Variants in ALG9 observed in about 807,000 individuals in gnomAD.
ALG9 encodes alpha-1,2-mannosyltransferase ALG9.
A neutral mutation model predicts 81.8 loss-of-function variants in ALG9; 55 were observed. The ratio of observed to expected loss-of-function variants is 0.67; its 90% CI spans 0.54 to 0.84. The LOEUF is 0.84. Among genes scored for constraint, ALG9 ranks in the 40% least tolerant of loss-of-function variants. The probability of loss-of-function intolerance (pLI) is 0.00; values close to 1 mark genes in which losing one functional copy is unlikely to be tolerated. For missense variants in ALG9, 629 were observed against 745.0 expected (o/e 0.84, Z 1.81); for synonymous variants, 278 against 274.3 (o/e 1.01, Z -0.13).
chr11:111,804,209 A>T (rs560148659), intron 14 of ALG9, among the ~76,000 whole-genome samples: 2 of 152,182 alleles, frequency 1.3e-5, no homozygotes, highest in East Asian at 3.9e-4. Flanking sequence ...ACAGGAGAAA[A>T]TCTAAATGAA....
intron 8 of ALG9, among the ~76,000 whole-genome samples, chr11:111,850,178 T>G (rs911043656): frequency 6.6e-6 from 1 of 152,214 alleles, no homozygotes; most frequent in Admixed American, 6.5e-5. Flanking sequence ...TATTATTTGG[T>G]ATCACGAAAA....
rs1555141233 is a variant in ALG9, at chr11:111,853,805, C to A, written c.702-69G>T. On this transcript the variant is annotated intron_variant, in intron 6 of 14. Coordinates refer to ENST00000616540, the MANE Select transcript of ALG9 (RefSeq NM_024740.2). ...CAGAGACAAATCAGATTCACACATA[C>A]CTCATGCTGAACTGAGAATAAAATG... 3 of 1,327,706 alleles carry A rather than the reference C, an allele frequency of 2.3e-6. No homozygotes were observed. The East Asian group carries it at 6.9e-5, about 30-fold the overall frequency. The allele number at this position is 1,327,706 out of a possible 1,614,324, so 82.2% of individuals were successfully genotyped here.
At chr11:111,861,886 G>A (rs1020028244) in intron 4 of ALG9, among the ~76,000 whole-genome samples, 2 of 152,106 alleles carry the variant, frequency 1.3e-5, no homozygotes, top group Admixed American at 1.3e-4. Context: ...TTTCTCTCAG[G>A]ACTTTGAAGA....
chr11:111,850,848 T>C (rs556864683), intron 8 of ALG9, among the ~76,000 whole-genome samples: 7 of 152,238 alleles, frequency 4.6e-5, no homozygotes, highest in African/African-American at 1.7e-4. Flanking sequence ...CTGTTCATGG[T>C]TGGTATGCCA....
chr11:111,783,656 A>T lies in ALG9; in HGVS notation c.*2741T>A, dbSNP rs1555059002. 1 of 152,146 alleles carries T rather than the reference A, an allele frequency of 6.6e-6. No individual in the cohort carries two copies. The highest frequency in any genetic ancestry group is 6.5e-5 in the Admixed American group (1 of 15,276). The allele number at this position is 152,146 out of a possible 1,614,324, so 9.4% of individuals were successfully genotyped here. A position where few individuals can be genotyped will look rare whatever the true frequency, so the allele number is the denominator to read the frequency against. On this transcript the variant is annotated 3_prime_UTR_variant, in exon 15 of 15. Coordinates refer to ENST00000616540, the MANE Select transcript of ALG9 (RefSeq NM_024740.2). ...TCCCAGGCAAAGCTATCCTTCCTAT[A>T]CTAAAAAGTGATGGAGATTTTTTAA...
intron 14 of ALG9, among the ~76,000 whole-genome samples, chr11:111,793,496 T>C (rs186723446): frequency 0.01 from 1,563 of 152,060 alleles, 19 homozygotes; most frequent in African/African-American, 0.035. Context: ...GCATGGTGGC[T>C]CACGCCTGTA....
In ALG9 at chr11:111,860,616, CA is replaced by C. The variant is rs1959748337; in HGVS notation, c.495del (p.Phe165LeufsTer5). 6.2e-7 allele frequency: 1 copy of C among 1,613,710 alleles called. No homozygotes were observed. Among genetic ancestry groups the C allele is most frequent in the Non-Finnish European group, 8.5e-7 (1 of 1,179,874 alleles). On this transcript the variant is annotated frameshift_variant, in exon 5 of 15. Transcript: ENST00000616540. LOFTEE classifies it high-confidence loss of function. ...LYFYKAVCKKFGLHVSRMMLA... is the reference protein window; with the variant it reads ...LYFYKAVCKKXGLHVSRMMLA... ...AGCATCATTCGACTCACGTGCAACCCAAACTTCTTGCACACAGCCCTAGGAA... is the reference window on the plus strand; with the variant it reads ...AGCATCATTCGACTCACGTGCAACCCAACTTCTTGCACACAGCCCTAGGAA...
intron 14 of ALG9, chr11:111,805,070 A>G (rs1949718873): frequency 6.3e-6 from 2 of 319,960 alleles, no homozygotes; most frequent in Non-Finnish European, 6.2e-6. Context: ...CTCAAAATTC[A>G]TATGTTGAAG....
At chr11:111,834,121 G>T (rs1329511152) in intron 13 of ALG9, among the ~76,000 whole-genome samples, 1 of 152,210 alleles carries the variant, frequency 6.6e-6, no homozygotes, top group African/African-American at 2.4e-5. Flanking sequence ...TATGATATCA[G>T]AAATATTTAA....
rs1946295059 is a variant in ALG9 at position 111,784,736 on chromosome 11, G to T, written c.*1661C>A. ...CTGTCTCAAAAAAAAAAAGAAAAAT[G>T]AAAGATGGAACTTCTGAAAAATAGA... On this transcript the variant is annotated 3_prime_UTR_variant, in exon 15 of 15. Transcript: ENST00000616540. The T allele has an allele frequency of 6.6e-6, 1 of 151,922 alleles. No homozygotes were observed. The allele number at this position is 151,922 out of a possible 1,614,324, so 9.4% of individuals were successfully genotyped here.
At chr11:111,853,588 T>C in intron 7 of ALG9, 61 bp downstream of exon 7, 3 of 1,580,198 alleles carry the variant, frequency 1.9e-6, no homozygotes, top group East Asian at 4.5e-5. Flanking sequence ...TGTTCCTTTT[T>C]TCACATCAAA....
At chr11:111,826,307 G>A (rs1592101587) in intron 13 of ALG9, among the ~76,000 whole-genome samples, 1 of 150,942 alleles carries the variant, frequency 6.6e-6, no homozygotes, top group African/African-American at 2.4e-5. Context: ...GATTGTTTGA[G>A]TCAGGGAGGT....
intron 14 of ALG9, among the ~76,000 whole-genome samples, chr11:111,795,498 C>CAATTGTGTAA (rs1948131049): frequency 6.6e-6 from 1 of 152,128 alleles, no homozygotes. Context: ...GCAATATACC[C>CAATTGTGTAA]CGCAGGTGGC....
intron 13 of ALG9, among the ~76,000 whole-genome samples, chr11:111,830,561 T>G (rs2136714403): frequency 6.6e-6 from 1 of 152,324 alleles, no homozygotes; most frequent in East Asian, 1.9e-4. Flanking sequence ...ATTTTGAACA[T>G]TCTCCAATTA....
At chr11:111,848,604 A>AG (rs1394423058) in intron 8 of ALG9, among the ~76,000 whole-genome samples, 5 of 151,948 alleles carry the variant, frequency 3.3e-5, no homozygotes, top group African/African-American at 9.7e-5. Context: ...AAAAAAAAAA[A>AG]AAAAGAAAAC....
intron 14 of ALG9, among the ~76,000 whole-genome samples, chr11:111,802,382 A>G (rs544988469): frequency 6.6e-6 from 1 of 152,356 alleles, no homozygotes; most frequent in East Asian, 1.9e-4. Context: ...GATAAATGCT[A>G]TAACATGAAT....
chr11:111,854,532 A>C (rs1253811336), intron 6 of ALG9, among the ~76,000 whole-genome samples: 3 of 152,054 alleles, frequency 2.0e-5, no homozygotes, highest in Non-Finnish European at 4.4e-5. Context: ...CGCCCTCCCA[A>C]AGTGCTGGAA....
rs1354052785 is a variant in ALG9 at position 111,857,510 on chromosome 11, T to A, written c.701+92A>T. On this transcript the variant is annotated intron_variant, in intron 6 of 14. Transcript: ENST00000616540. ...TCTTTGAAAGCCCAATTGATTAACT[T>A]CAGATTCTATGCAGACAATATGGAG... is the stretch of plus-strand genomic sequence containing the variant. The A allele has an allele frequency of 7.7e-6, 12 of 1,555,308 alleles. No homozygotes were observed. In the East Asian group the frequency reaches 2.7e-4, roughly 35 times the overall value.
chr11:111,848,260 A>C (rs1460831666), intron 8 of ALG9, among the ~76,000 whole-genome samples: 1 of 152,212 alleles, frequency 6.6e-6, no homozygotes, highest in Non-Finnish European at 1.5e-5. Context: ...TGTAATTAAT[A>C]TCTTTCAAAA....
Sources: gnomAD v4.1 joint callset for allele counts (sites outside exome capture counted in the v4.1 genomes callset) on GRCh38, gnomAD v4.1.1 for gene constraint, MANE v1.5 for transcripts, NCBI Gene and HGNC (gene_info 2026-07-23, HGNC 2026-07-21) for gene names.